The following RAB15 variants were observed in gnomAD, a reference collection of about 807,000 sequenced individuals.
RAB15 encodes the protein RAB15, member RAS oncogene family, also known as ras-related protein Rab-15.
Under a neutral mutation model 31.8 loss-of-function variants are expected in RAB15, and 13 were observed. The observed-to-expected ratio is 0.41, with a 90% CI of 0.27 to 0.65. The LOEUF is 0.65. RAB15 is among the 30% of genes least tolerant of loss of function. The probability of loss-of-function intolerance (pLI) is 0.32; values close to 1 mark genes in which losing one functional copy is unlikely to be tolerated. For synonymous variants in RAB15, 100 were observed against 105.6 expected, an observed-to-expected ratio of 0.95 and a Z score of 0.33; for missense variants, 220 against 277.3, an observed-to-expected ratio of 0.79 and a Z score of 1.47.
chr14:64,949,925 G>T (rs575169323), intron 5 of RAB15, among the ~76,000 whole-genome samples: 6 of 152,174 alleles, frequency 3.9e-5, no homozygotes, highest in South Asian at 4.2e-4. Flanking sequence ...GGACAGGAGT[G>T]GGGGAGTGTT....
At position 64,954,798 on chromosome 14, in the gene RAB15, C is replaced by A. The variant is rs11621450; in HGVS notation, c.125-2227G>T. Among the ~76,000 whole-genome samples, 14,875 of 152,194 alleles carry A rather than the reference C, an allele frequency of 0.098. 854 individuals carry two copies. Among genetic ancestry groups the A allele is most frequent in the Non-Finnish European group, 0.12 (8,412 of 68,006 alleles). On this transcript the variant is annotated intron_variant, in intron 1 of 6. Transcript: ENST00000533601. The surrounding 1 kb of genome is among the most constrained non-coding windows in gnomAD (Gnocchi z 4.3). ...AGGAGAGTCGTGTAGTTGGCTAGGC[C>A]TGGAAGCCCTAACTCTGCTTAGTTT...
At chr14:64,960,008 G>A (rs1287708028) in intron 1 of RAB15, among the ~76,000 whole-genome samples, 1 of 152,198 alleles carries the variant, frequency 6.6e-6, no homozygotes, top group Non-Finnish European at 1.5e-5. Flanking sequence ...TCAATCAACT[G>A]ATGGTGCCAT....
chr14:64,951,229 T>C lies in RAB15; in HGVS notation c.247-78A>G, dbSNP rs964547654. On this transcript the variant is annotated intron_variant, in intron 3 of 6. Transcript: ENST00000533601. This position sits in a 1 kb window ranked among gnomAD's most constrained non-coding sequence, Gnocchi z 7.2. Reference sequence around the variant, plus strand: ...TGGGGCCAGAAGGGGCCGTGGAAACTTAAAGGTTGGGTCCCACTCTCCCAT... The same window carrying C: ...TGGGGCCAGAAGGGGCCGTGGAAACCTAAAGGTTGGGTCCCACTCTCCCAT... 2 of 1,254,060 alleles carry C rather than the reference T, an allele frequency of 1.6e-6. No homozygotes were observed. Among genetic ancestry groups the C allele is most frequent in the Non-Finnish European group, 2.3e-6 (2 of 877,378 alleles). The allele number at this position is 1,254,060 out of a possible 1,614,324, so 77.7% of individuals were successfully genotyped here.
At chr14:64,964,143 G>A (rs539528801) in intron 1 of RAB15, among the ~76,000 whole-genome samples, 7 of 152,246 alleles carry the variant, frequency 4.6e-5, no homozygotes, top group African/African-American at 9.6e-5. Flanking sequence ...CAAGTGAGAC[G>A]AATAAATGGA....
rs551314917 is a variant in RAB15, at chr14:64,972,087, A to G, written c.-11T>C. 224 of 1,593,910 alleles carry G rather than the reference A, an allele frequency of 1.4e-4. 3 individuals are homozygous for G. In the South Asian group the frequency reaches 1.7e-3, roughly 12 times the overall value. ...GTACTGCTTCGCCATGACTGGGGCC[A>G]GCGGGGCCGGGAACTGCGGGCGGGC... On this transcript the variant is annotated 5_prime_UTR_variant, in exon 1 of 7. Coordinates refer to ENST00000533601, the MANE Select transcript of RAB15 (RefSeq NM_001308154.2). The surrounding 1 kb of genome is among the most constrained non-coding windows in gnomAD (Gnocchi z 6.3).
rs780514762 is a variant in RAB15, at chr14:64,950,390, TCTTCTGGACGC to T, written c.338_348del (p.Gly113AspfsTer6). The T allele has an allele frequency of 1.2e-6, 2 of 1,614,148 alleles. No homozygotes were observed. Among genetic ancestry groups the T allele is most frequent in the South Asian group, 2.2e-5 (2 of 91,084 alleles). ...TCATCAGCCTTATTCCCAATAAGGATCTTCTGGACGCCTTCTGGTGCGTACTAGGGACAAAG... is the reference window on the plus strand; with the variant it reads ...TCATCAGCCTTATTCCCAATAAGGATCTTCTGGTGCGTACTAGGGACAAAG... On this transcript the variant is annotated frameshift_variant, in exon 5 of 7. Transcript: ENST00000533601. LOFTEE classifies it high-confidence loss of function. The surrounding 1 kb of genome is among the most constrained non-coding windows in gnomAD (Gnocchi z 5.6).
At position 64,948,437 on chromosome 14, in the gene RAB15, T is replaced by C. The variant is rs760663241; in HGVS notation, c.556A>G (p.Asn186Asp). 6 of 1,613,762 alleles carry C rather than the reference T, an allele frequency of 3.7e-6. No homozygotes were observed. The highest frequency in any genetic ancestry group is 5.1e-6 in the Non-Finnish European group (6 of 1,179,916). ...ELEGLRMRAS[N>D]ELALAELEEE... ...TCCAGCTCTGCCAGTGCCAACTCAT[T>C]GCTGGCACGCATCCGGAGGCCTTCC... The change falls in exon 7 of 7, where the codon AAT becomes GAT. Residue 186 changes from asparagine to aspartate, a missense_variant. Coordinates refer to ENST00000533601, the MANE Select transcript of RAB15 (RefSeq NM_001308154.2). This position sits in a 1 kb window ranked among gnomAD's most constrained non-coding sequence, Gnocchi z 7.0.
chr14:64,954,262 AG>A lies in RAB15; in HGVS notation c.125-1692del. The stretch of plus-strand genomic sequence containing the variant: ...AAGAGAAGGAGGGAGGAAGGGAGGA[AG>A]GAGAGAAGCATCAGGCCTTGGGAAG... On this transcript the variant is annotated intron_variant, in intron 1 of 6. Transcript: ENST00000533601. The surrounding 1 kb of genome is among the most constrained non-coding windows in gnomAD (Gnocchi z 4.3). 1.0e-6 allele frequency: 1 copy of A among 985,426 alleles called. No individual in the cohort carries two copies. The highest frequency in any genetic ancestry group is 1.2e-6 in the Non-Finnish European group (1 of 829,914). The allele number at this position is 985,426 out of a possible 1,614,324, so 61.0% of individuals were successfully genotyped here.
chr14:64,953,963 T>G lies in RAB15; in HGVS notation c.125-1392A>C, dbSNP rs1388930728. 2 of 985,326 alleles carry G rather than the reference T, an allele frequency of 2.0e-6. No individual in the cohort carries two copies. Among genetic ancestry groups the G allele is most frequent in the African/African-American group, 3.5e-5 (2 of 57,232 alleles). The allele number at this position is 985,326 out of a possible 1,614,324, so 61.0% of individuals were successfully genotyped here. The stretch of plus-strand genomic sequence containing the variant: ...CCACTCCACCTCCGCATCAGTTATT[T>G]GCCAAATGGGAGACATCTTCCCTTA... On this transcript the variant is annotated intron_variant, in intron 1 of 6. Transcript: ENST00000533601. This position sits in a 1 kb window ranked among gnomAD's most constrained non-coding sequence, Gnocchi z 4.6.
At chr14:64,960,164 C>G (rs1886779130) in intron 1 of RAB15, among the ~76,000 whole-genome samples, 1 of 152,214 alleles carries the variant, frequency 6.6e-6, no homozygotes. Flanking sequence ...ACTGGGAAGA[C>G]AGGCAGGGCC....
In RAB15 at chr14:64,948,285, C is replaced by T. The variant is rs947828343; in HGVS notation, c.*69G>A. The T allele has an allele frequency of 1.5e-5, 21 of 1,421,136 alleles. No homozygotes were observed. Among genetic ancestry groups the T allele is most frequent in the Admixed American group, 5.7e-5 (2 of 35,342 alleles). 88.0% of individuals were successfully genotyped at this position (1,421,136 alleles called of 1,614,324 possible). A position where few individuals can be genotyped will look rare whatever the true frequency, so the allele number is the denominator to read the frequency against. On this transcript the variant is annotated 3_prime_UTR_variant, in exon 7 of 7. Transcript: ENST00000533601. The surrounding 1 kb of genome is among the most constrained non-coding windows in gnomAD (Gnocchi z 7.0). Reference sequence around the variant, plus strand: ...AGAGGACAGCAGCAGGGCAAAGCCCCGGCTCCCCTGTCTGCCCACGGGCCT... The same window carrying T: ...AGAGGACAGCAGCAGGGCAAAGCCCTGGCTCCCCTGTCTGCCCACGGGCCT...
At chr14:64,963,037 G>A (rs897052828) in intron 1 of RAB15, among the ~76,000 whole-genome samples, 2 of 151,292 alleles carry the variant, frequency 1.3e-5, no homozygotes, top group Admixed American at 6.6e-5. Context: ...AAAGCCCACC[G>A]TCCCTGTGTA....
Position 64,955,200 on chromosome 14 carries a change from A to G in RAB15, c.125-2629T>C, listed in dbSNP as rs1886478311. On this transcript the variant is annotated intron_variant, in intron 1 of 6. Coordinates refer to ENST00000533601, the MANE Select transcript of RAB15 (RefSeq NM_001308154.2). This position sits in a 1 kb window ranked among gnomAD's most constrained non-coding sequence, Gnocchi z 4.4. ...CATTCACATATGATGGAAGAAACAG[A>G]GTAAGTCTATGTCTTCTGAAGGATT... 6.6e-6 allele frequency among the ~76,000 whole-genome samples: 1 copy of G among 152,168 alleles called. No individual in the cohort carries two copies. The highest frequency in any genetic ancestry group is 1.5e-5 in the Non-Finnish European group (1 of 68,026).
At chr14:64,959,719 C>CA (rs1270720915) in intron 1 of RAB15, among the ~76,000 whole-genome samples, 1 of 151,330 alleles carries the variant, frequency 6.6e-6, no homozygotes, top group African/African-American at 2.4e-5. Flanking sequence ...AAACAAAAAA[C>CA]AAAAAAACCC....
rs1308470206 is a variant in RAB15, at chr14:64,950,616, ACT to A, written c.325-204_325-203del. ...ACGGGGAGAGCTTAGGGTAGAAGAC[ACT>A]CTGGCTAAGACTGGTGCTTCCTTGG... is the stretch of plus-strand genomic sequence containing the variant. On this transcript the variant is annotated intron_variant, in intron 4 of 6. Coordinates refer to ENST00000533601, the MANE Select transcript of RAB15 (RefSeq NM_001308154.2). The surrounding 1 kb of genome is among the most constrained non-coding windows in gnomAD (Gnocchi z 5.6). 4 of 617,278 alleles carry A rather than the reference ACT, an allele frequency of 6.5e-6. No individual in the cohort carries two copies. Among genetic ancestry groups the A allele is most frequent in the Non-Finnish European group, 1.2e-5 (4 of 346,474 alleles). 38.2% of individuals were successfully genotyped at this position (617,278 alleles called of 1,614,324 possible). A position where few individuals can be genotyped will look rare whatever the true frequency, so the allele number is the denominator to read the frequency against.
At chr14:64,965,113 T>C (rs527498143) in intron 1 of RAB15, among the ~76,000 whole-genome samples, 1 of 152,340 alleles carries the variant, frequency 6.6e-6, no homozygotes, top group East Asian at 1.9e-4. Context: ...AATCAGTTAA[T>C]TTAAAAAGTG....
chr14:64,967,187 C>T (rs979895926), intron 1 of RAB15, among the ~76,000 whole-genome samples: 3 of 152,180 alleles, frequency 2.0e-5, no homozygotes, highest in Admixed American at 1.3e-4. Flanking sequence ...ACCAGATCAC[C>T]CTCCTCCTCA....
In RAB15 at chr14:64,953,725, A is replaced by C. The variant is rs1886394200; in HGVS notation, c.125-1154T>G. 1 of 904,934 alleles carries C rather than the reference A, an allele frequency of 1.1e-6. No homozygotes were observed. The highest frequency in any genetic ancestry group is 1.8e-5 in the African/African-American group (1 of 55,560). 56.1% of individuals were successfully genotyped at this position (904,934 alleles called of 1,614,324 possible). On this transcript the variant is annotated intron_variant, in intron 1 of 6. Coordinates refer to ENST00000533601, the MANE Select transcript of RAB15 (RefSeq NM_001308154.2). The surrounding 1 kb of genome is among the most constrained non-coding windows in gnomAD (Gnocchi z 4.6). ...CTGACCATGCCTCTCCCCAACTCTA[A>C]CTATACCCAGGCACTATGCCCAGGG...
In RAB15 at chr14:64,946,812, G is replaced by A. The variant is rs182790991; in HGVS notation, c.*1542C>T. On this transcript the variant is annotated 3_prime_UTR_variant, in exon 7 of 7. Transcript: ENST00000533601. Reference sequence around the variant, plus strand: ...AAGAATGACCCTCTTCCTAGGCCTCGCCCACCTTGGGACGGTGGGCAGGAA... The same window carrying A: ...AAGAATGACCCTCTTCCTAGGCCTCACCCACCTTGGGACGGTGGGCAGGAA... The A allele has an allele frequency of 2.0e-3, 311 of 152,608 alleles. 4 individuals carry two copies. Among genetic ancestry groups the A allele is most frequent in the East Asian group, 1.5e-3 (8 of 5,188 alleles). 9.5% of individuals were successfully genotyped at this position (152,608 alleles called of 1,614,324 possible). A position where few individuals can be genotyped will look rare whatever the true frequency, so the allele number is the denominator to read the frequency against.
Sources: allele counts gnomAD v4.1 joint callset (sites outside exome capture counted in the v4.1 genomes callset), GRCh38; gene constraint gnomAD v4.1.1; non-coding constraint Gnocchi (gnomAD v3.1); transcripts MANE v1.5; gene names NCBI Gene and HGNC (gene_info 2026-07-23, HGNC 2026-07-21).